Variants in PLCE1 observed in about 807,000 individuals in gnomAD.
The protein encoded by PLCE1 is 1-phosphatidylinositol 4,5-bisphosphate phosphodiesterase epsilon-1.
A neutral mutation model predicts 242.8 loss-of-function variants in PLCE1; 119 were observed. That is an observed-to-expected ratio of 0.49 (90% CI 0.42 to 0.57). The LOEUF is 0.57. PLCE1 is among the 20% of genes least tolerant of loss of function. PLCE1 has a pLI of 0.00. For missense variants in PLCE1, 2,441 were observed against 2,788.8 expected (o/e 0.88, Z 2.81); for synonymous variants, 945 against 1,017.4 (o/e 0.93, Z 1.35).
chr10:94,073,511 T>C (rs910490133), intron 2 of PLCE1, among the ~76,000 whole-genome samples: 2 of 152,092 alleles, frequency 1.3e-5, no homozygotes, highest in African/African-American at 2.4e-5. Flanking sequence ...GGAAGCAGAA[T>C]TGAGAGAAGA....
At chr10:94,294,422 G>T (rs2052738729) in intron 23 of PLCE1, among the ~76,000 whole-genome samples, 1 of 152,098 alleles carries the variant, frequency 6.6e-6, no homozygotes, top group Non-Finnish European at 1.5e-5. Context: ...ATTGTGTTTT[G>T]TTCAAGAAAA....
At chr10:94,157,014 G>C (rs886156359) in intron 3 of PLCE1, among the ~76,000 whole-genome samples, 4 of 152,038 alleles carry the variant, frequency 2.6e-5, no homozygotes, top group Non-Finnish European at 4.4e-5. Flanking sequence ...GTTTTTTGGG[G>C]GGCGAGGTCT....
chr10:94,263,181 T>C (rs943539606), intron 14 of PLCE1, among the ~76,000 whole-genome samples: 1 of 152,128 alleles, frequency 6.6e-6, no homozygotes, highest in African/African-American at 2.4e-5. Context: ...TGTTTTGTTT[T>C]GTTTTTTTAA....
At chr10:94,234,728 G>C (rs2050259525) in intron 6 of PLCE1, among the ~76,000 whole-genome samples, 1 of 152,128 alleles carries the variant, frequency 6.6e-6, no homozygotes. Context: ...TCCTTTGTGG[G>C]AAAATGCTGG....
At chr10:94,256,335 A>G (rs1440166722) in intron 11 of PLCE1, among the ~76,000 whole-genome samples, 1 of 134,482 alleles carries the variant, frequency 7.4e-6, no homozygotes. Context: ...AAAAAAAAAA[A>G]AAAAAAGAAA....
intron 2 of PLCE1, among the ~76,000 whole-genome samples, chr10:94,103,599 T>G (rs557218327): frequency 6.6e-6 from 1 of 152,204 alleles, no homozygotes; most frequent in African/African-American, 2.4e-5. Context: ...TGTGTACCTA[T>G]GTAAGAAAAC....
chr10:94,116,430 C>A (rs2046131618), intron 2 of PLCE1, among the ~76,000 whole-genome samples: 2 of 152,190 alleles, frequency 1.3e-5, no homozygotes. Flanking sequence ...CATGGTGGCT[C>A]ATGCCTGTAA....
chr10:93,996,093 C>T (rs1296306639), intron 1 of PLCE1, among the ~76,000 whole-genome samples: 3 of 150,318 alleles, frequency 2.0e-5, no homozygotes, highest in Non-Finnish European at 4.4e-5. Flanking sequence ...GAGGGATTTG[C>T]ACAGAGTGAG....
rs2051487530 is a variant in PLCE1 at position 94,265,641 on chromosome 10, T to G, written c.4054-6T>G. 6.2e-7 allele frequency: 1 copy of G among 1,612,694 alleles called. No homozygotes were observed. Among genetic ancestry groups the G allele is most frequent in the Non-Finnish European group, 8.5e-7 (1 of 1,178,892 alleles). ...AAATAACACTTTTTTTTTTAATCCCTTGCAGAAGTTCGAGCCTAGCATCAG... is the reference window on the plus strand; with the variant it reads ...AAATAACACTTTTTTTTTTAATCCCGTGCAGAAGTTCGAGCCTAGCATCAG... On this transcript the variant is annotated splice_region_variant and splice_polypyrimidine_tract_variant and intron_variant, in intron 14 of 32. Transcript: ENST00000371380.
At chr10:94,274,229 T>G (rs2051860356) in intron 19 of PLCE1, among the ~76,000 whole-genome samples, 1 of 152,170 alleles carries the variant, frequency 6.6e-6, no homozygotes. Context: ...CTCAAAGGTC[T>G]GTGAAAAAGT....
rs769034970 is a variant in PLCE1 at position 94,329,249 on chromosome 10, G to T, written c.*1306G>T. ...GCTGTACAAAACCATTAAGTGTAAA[G>T]GATTCTTCATATTCTTAGTATGAAG... On this transcript the variant is annotated 3_prime_UTR_variant, in exon 33 of 33. Coordinates refer to ENST00000371380, the MANE Select transcript of PLCE1 (RefSeq NM_016341.4). 8.5e-5 allele frequency: 13 copies of T among 152,070 alleles called. No homozygotes were observed. The highest frequency in any genetic ancestry group is 1.8e-4 in the Non-Finnish European group (12 of 68,014). The allele number at this position is 152,070 out of a possible 1,614,324, so 9.4% of individuals were successfully genotyped here.
chr10:94,013,593 G>A (rs531184919), intron 1 of PLCE1, among the ~76,000 whole-genome samples: 1 of 152,168 alleles, frequency 6.6e-6, no homozygotes. Flanking sequence ...CTCAAGTGAG[G>A]CCTTGAGAAT....
chr10:94,027,879 C>T (rs771709916), intron 1 of PLCE1, among the ~76,000 whole-genome samples: 9 of 151,948 alleles, frequency 5.9e-5, no homozygotes, highest in Non-Finnish European at 1.3e-4. Flanking sequence ...AAAGGCTTCT[C>T]CTAGCAGCCA....
At position 94,252,413 on chromosome 10, in the gene PLCE1, C is replaced by G. The variant is rs1299156613; in HGVS notation, c.3194C>G (p.Ala1065Gly). The change falls in exon 9 of 33, where the codon GCA becomes GGA. Residue 1065 changes from alanine (A) to glycine (G), a missense_variant. Coordinates refer to ENST00000371380, the MANE Select transcript of PLCE1 (RefSeq NM_016341.4). ...SARNPSPGTS[A>G]KNAEKPNMQR... ...CGAAACCCCAGCCCCGGAACATCAG[C>G]AAAGAATGCTGAGAAGCCCAATATG... is the stretch of plus-strand genomic sequence containing the variant. 6.2e-7 allele frequency: 1 copy of G among 1,614,052 alleles called. No individual in the cohort carries two copies. Among genetic ancestry groups the G allele is most frequent in the South Asian group, 1.1e-5 (1 of 91,076 alleles).
At chr10:94,269,885 G>A (rs1400473929) in intron 17 of PLCE1, among the ~76,000 whole-genome samples, 1 of 152,118 alleles carries the variant, frequency 6.6e-6, no homozygotes, top group Non-Finnish European at 1.5e-5. Flanking sequence ...TCATTCAGAG[G>A]GTCTTAGGCT....
At chr10:94,099,525 C>A (rs138443677) in intron 2 of PLCE1, 74 of 152,272 alleles carry the variant, frequency 4.9e-4, no homozygotes, top group African/African-American at 1.7e-3. Flanking sequence ...TTATTTCTCT[C>A]GAACACATAT....
In PLCE1 at chr10:94,298,295, T is replaced by C. The variant is rs913047490; in HGVS notation, c.5168-84T>C. 8.0e-7 allele frequency: 1 copy of C among 1,245,718 alleles called. No homozygotes were observed. Among genetic ancestry groups the C allele is most frequent in the Non-Finnish European group, 1.2e-6 (1 of 850,102 alleles). The allele number at this position is 1,245,718 out of a possible 1,614,324, so 77.2% of individuals were successfully genotyped here. The stretch of plus-strand genomic sequence containing the variant: ...ATGTGGTTTATATGCTATGACTGTT[T>C]ACTGGGATGTTGTTCAGGTTTATCT... On this transcript the variant is annotated intron_variant, in intron 23 of 32. Transcript: ENST00000371380. The surrounding 1 kb of genome is among the most constrained non-coding windows in gnomAD (Gnocchi z 5.2).
intron 1 of PLCE1, among the ~76,000 whole-genome samples, chr10:94,029,708 A>G (rs969711752): frequency 6.6e-6 from 1 of 152,130 alleles, no homozygotes; most frequent in Admixed American, 6.6e-5. Context: ...AGAAGGGATT[A>G]AGGGGTAGTT....
chr10:94,105,506 AAC>A (rs139947089), intron 2 of PLCE1: 4 of 151,302 alleles, frequency 2.6e-5, no homozygotes, highest in Admixed American at 6.6e-5. Flanking sequence ...ATCTCCCCTA[AAC>A]ACACACACAC....
Sources: allele counts gnomAD v4.1 joint callset (sites outside exome capture counted in the v4.1 genomes callset), GRCh38; gene constraint gnomAD v4.1.1; non-coding constraint Gnocchi (gnomAD v3.1); transcripts MANE v1.5; gene names NCBI Gene and HGNC (gene_info 2026-07-23, HGNC 2026-07-21).